Variants in NFXL1 observed in about 807,000 individuals in gnomAD.
The protein encoded by NFXL1 is NF-X1-type zinc finger protein NFXL1.
In NFXL1, 66 loss-of-function variants were observed where a neutral mutation model predicts 123.3. The ratio of observed to expected loss-of-function variants is 0.54; its 90% confidence interval spans 0.44 to 0.66. The LOEUF (loss-of-function observed/expected upper bound fraction) is 0.66. Ranked by LOEUF, NFXL1 falls within the 30% of genes least tolerant of loss-of-function variation. The pLI is 0.00. For missense variants in NFXL1, 944 were observed against 1,125.6 expected (o/e 0.84, Z 2.31); for synonymous variants, 346 against 360.8 (o/e 0.96, Z 0.46).
intron 20 of NFXL1, among the ~76,000 whole-genome samples, chr4:47,854,767 A>C (rs1734304123): frequency 2.0e-5 from 3 of 152,098 alleles, no homozygotes; most frequent in Admixed American, 2.0e-4. Flanking sequence ...AAGCACATTG[A>C]CCAAAACAGG....
At chr4:47,863,270 A>C (rs1734864330) in intron 18 of NFXL1, among the ~76,000 whole-genome samples, 1 of 152,204 alleles carries the variant, frequency 6.6e-6, no homozygotes, top group Admixed American at 6.5e-5. Flanking sequence ...TAATGCCCCT[A>C]CATAAAAAAA....
At chr4:47,891,608 C>T (rs901749900) in intron 11 of NFXL1, among the ~76,000 whole-genome samples, 2 of 152,040 alleles carry the variant, frequency 1.3e-5, no homozygotes, top group African/African-American at 4.8e-5. Context: ...TCTATATTGC[C>T]ATCTTAACTC....
Position 47,848,259 on chromosome 4 carries a change from C to G in NFXL1, c.2640G>C (p.Glu880Asp). Residue 880 changes from glutamate (E) to aspartate (D), a missense_variant, in exon 23 of 23, where the codon GAG becomes GAC. Glu to Asp is a conservative substitution (Grantham distance 45). Around this residue, in one of 4 missense-constraint regions of NFXL1, gnomAD observed 301 missense variants for 348.0 expected, o/e 0.86. Transcript: ENST00000507489. Reference protein sequence around the residue: ...KNRKRDEVAVELSLWQKHKYY... With the variant: ...KNRKRDEVAVDLSLWQKHKYY... ...ATTTATGTTTTTGCCATAGTGATAG[C>G]TCAACTGCCACTTCATCTCTTTTCC... 1 of 1,612,742 alleles carries G rather than the reference C, an allele frequency of 6.2e-7. No homozygotes were observed. Among genetic ancestry groups the G allele is most frequent in the South Asian group, 1.1e-5 (1 of 90,984 alleles).
intron 18 of NFXL1, among the ~76,000 whole-genome samples, chr4:47,866,027 TA>T (rs886864802): frequency 2.1e-4 from 31 of 149,968 alleles, no homozygotes; most frequent in Admixed American, 4.0e-4. Flanking sequence ...AAAATAAAAA[TA>T]AAAAAAAATT....
In NFXL1 at chr4:47,855,193, A is replaced by T. The variant is rs369328935; in HGVS notation, c.2317-30T>A. ...AATAAAATCAAAATAAAGCAATTACATACTTACATCTTGATCATACTCTAG... is the reference window on the plus strand; with the variant it reads ...AATAAAATCAAAATAAAGCAATTACTTACTTACATCTTGATCATACTCTAG... On this transcript the variant is annotated intron_variant, in intron 19 of 22. Transcript: ENST00000507489. 2.4e-6 allele frequency: 3 copies of T among 1,270,700 alleles called. No homozygotes were observed. In the African/African-American group the frequency reaches 4.5e-5, roughly 19 times the overall value. 78.7% of individuals were successfully genotyped at this position (1,270,700 alleles called of 1,614,324 possible). A position where few individuals can be genotyped will look rare whatever the true frequency, so the allele number is the denominator to read the frequency against.
chr4:47,851,784 T>G, intron 21 of NFXL1, 72 bp downstream of exon 21: 1 of 943,754 alleles, frequency 1.1e-6, no homozygotes, highest in Non-Finnish European at 1.6e-6. Flanking sequence ...TTGTTTTTAA[T>G]AAGTACATAA....
chr4:47,850,995 A>C, intron 22 of NFXL1, 100 bp downstream of exon 22: 15 of 838,496 alleles, frequency 1.8e-5, no homozygotes, highest in Non-Finnish European at 2.8e-5. Flanking sequence ...AGTTCACAAT[A>C]GAGACTAGAC....
intron 4 of NFXL1, among the ~76,000 whole-genome samples, 155 bp from the exon 5 acceptor site, chr4:47,903,478 A>G (rs1480112243): frequency 6.6e-6 from 1 of 152,218 alleles, no homozygotes; most frequent in Non-Finnish European, 1.5e-5. Context: ...GAACTGTTTC[A>G]TGGGAAATGC....
intron 11 of NFXL1, among the ~76,000 whole-genome samples, chr4:47,893,379 C>G (rs1198004875): frequency 2.6e-5 from 4 of 151,950 alleles, no homozygotes; most frequent in African/African-American, 9.7e-5. Flanking sequence ...ACATAAAGAA[C>G]ACCATACCAA....
At chr4:47,900,124 G>A (rs531834196) in intron 5 of NFXL1, among the ~76,000 whole-genome samples, 1 of 152,214 alleles carries the variant, frequency 6.6e-6, no homozygotes, top group East Asian at 1.9e-4. Context: ...CAAGAAACAT[G>A]ACTACAATTT....
At chr4:47,907,480 A>C (rs1449891664) in intron 3 of NFXL1, among the ~76,000 whole-genome samples, 1 of 152,242 alleles carries the variant, frequency 6.6e-6, no homozygotes, top group African/African-American at 2.4e-5. Context: ...ATTTGAGAGA[A>C]GAATCACAAA....
In NFXL1 at chr4:47,914,403, G is replaced by A; in HGVS notation, c.-41C>T. ...CCCGCCAAGCCCGGGCTTTGGAGATGGACCGAAGAGGGGAGGGAGGACTAG... is the reference window on the plus strand; with the variant it reads ...CCCGCCAAGCCCGGGCTTTGGAGATAGACCGAAGAGGGGAGGGAGGACTAG... On this transcript the variant is annotated 5_prime_UTR_variant, in exon 1 of 23. Transcript: ENST00000507489. The A allele has an allele frequency of 1.9e-6, 1 of 535,070 alleles. No homozygotes were observed. The highest frequency in any genetic ancestry group is 1.9e-5 in the African/African-American group (1 of 52,506). 33.1% of individuals were successfully genotyped at this position (535,070 alleles called of 1,614,324 possible).
intron 9 of NFXL1, among the ~76,000 whole-genome samples, chr4:47,897,411 T>A (rs1041251284): frequency 7.2e-5 from 11 of 152,180 alleles, no homozygotes; most frequent in Non-Finnish European, 1.5e-4. Context: ...ATGCTGTTAT[T>A]TGTGGAGAGT....
At chr4:47,874,596 T>C (rs974456013) in intron 18 of NFXL1, among the ~76,000 whole-genome samples, 1 of 152,126 alleles carries the variant, frequency 6.6e-6, no homozygotes, top group Non-Finnish European at 1.5e-5. Flanking sequence ...TCATAACAGA[T>C]ATGAAATGAA....
intron 22 of NFXL1, among the ~76,000 whole-genome samples, chr4:47,849,803 G>A (rs562893269): frequency 1.3e-5 from 2 of 152,228 alleles, no homozygotes; most frequent in South Asian, 4.1e-4. Context: ...GGATGATCAA[G>A]TCTCTACATA....
At chr4:47,871,514 T>C (rs181624007) in intron 18 of NFXL1, among the ~76,000 whole-genome samples, 1 of 152,326 alleles carries the variant, frequency 6.6e-6, no homozygotes, top group African/African-American at 2.4e-5. Context: ...GAGAGCTTTT[T>C]CTATTTTCTC....
At chr4:47,906,755 T>C (rs758149272) in intron 3 of NFXL1, among the ~76,000 whole-genome samples, 4 of 152,170 alleles carry the variant, frequency 2.6e-5, no homozygotes, top group Non-Finnish European at 4.4e-5. Context: ...AAACCAACCT[T>C]ATATTTTAAA....
rs1735893712 is a variant in NFXL1 at position 47,878,600 on chromosome 4, C to T, written c.2004G>A (p.Leu668=). ...TCATACATGTGTGATTCTGACAATC[C>T]AAGATTCTTCCACAAACTCTTTTAC... is the stretch of plus-strand genomic sequence containing the variant. ...YSCKRVCGRI[L]DCQNHTCMKE... is the part of the protein sequence containing the mutation. Residue 668 remains leucine, a synonymous_variant, in exon 17 of 23, where the codon TTG becomes TTA. Coordinates refer to ENST00000507489, the MANE Select transcript of NFXL1 (RefSeq NM_001278624.2). 1 of 1,607,508 alleles carries T rather than the reference C, an allele frequency of 6.2e-7. No homozygotes were observed. Among genetic ancestry groups the T allele is most frequent in the South Asian group, 1.1e-5 (1 of 89,950 alleles).
chr4:47,878,032 C>T (rs1423793628), intron 17 of NFXL1, among the ~76,000 whole-genome samples: 1 of 152,012 alleles, frequency 6.6e-6, no homozygotes, highest in Non-Finnish European at 1.5e-5. Flanking sequence ...TAATTATACA[C>T]ACAGAAACAC....
Sources: allele counts gnomAD v4.1 joint callset (sites outside exome capture counted in the v4.1 genomes callset), GRCh38; gene constraint gnomAD v4.1.1; regional missense constraint gnomAD v4.1.1; transcripts MANE v1.5; gene names NCBI Gene and HGNC (gene_info 2026-07-23, HGNC 2026-07-21).